MEIOB: variants seen among roughly 807,000 people sequenced by gnomAD.
MEIOB encodes the protein meiosis-specific with OB domain-containing protein.
A neutral mutation model predicts 53.1 loss-of-function variants in MEIOB; 50 were observed. The observed-to-expected ratio is 0.94, with a 90% CI of 0.75 to 1.19. MEIOB has a LOEUF of 1.19. Ranked by LOEUF, MEIOB falls within the 50% of genes most tolerant of loss-of-function variation. The pLI, the probability that MEIOB is intolerant of heterozygous loss-of-function variation, is 0.00. For missense variants in MEIOB, 551 were observed against 550.8 expected (o/e 1.00, Z 0.00); for synonymous variants, 192 against 182.5 (o/e 1.05, Z -0.42).
intron 5 of MEIOB, among the ~76,000 whole-genome samples, chr16:1,859,691 T>G (rs1239781045): frequency 1.3e-5 from 2 of 151,912 alleles, no homozygotes; most frequent in East Asian, 3.9e-4. Context: ...GAAAAGAAGG[T>G]GGGAACGGGT....
At chr16:1,849,554 A>AAAAAAAAAAAAC (rs1899110903) in intron 9 of MEIOB, among the ~76,000 whole-genome samples, 1 of 150,790 alleles carries the variant, frequency 6.6e-6, no homozygotes, top group Non-Finnish European at 1.5e-5. Flanking sequence ...TCAAAAAAAA[A>AAAAAAAAAAAAC]AAACACCTAG....
chr16:1,870,497 T>C (rs1899717048), intron 1 of MEIOB, among the ~76,000 whole-genome samples: 2 of 152,204 alleles, frequency 1.3e-5, no homozygotes, highest in South Asian at 4.1e-4. Context: ...AAATATGATT[T>C]TGAATTGCAA....
intron 10 of MEIOB, among the ~76,000 whole-genome samples, chr16:1,843,842 A>G (rs563358025): frequency 6.6e-6 from 1 of 152,166 alleles, no homozygotes. Flanking sequence ...ATTTTTCTTT[A>G]TCTTAGAAGA....
intron 9 of MEIOB, among the ~76,000 whole-genome samples, chr16:1,845,928 T>A (rs971349919): frequency 6.6e-6 from 1 of 152,024 alleles, no homozygotes; most frequent in Non-Finnish European, 1.5e-5. Flanking sequence ...ACTTCCTAAC[T>A]CCCCTGGGAA....
intron 3 of MEIOB, among the ~76,000 whole-genome samples, chr16:1,865,099 C>T (rs1899550289): frequency 1.3e-5 from 2 of 151,972 alleles, no homozygotes; most frequent in Non-Finnish European, 2.9e-5. Flanking sequence ...GCCTGGGCAA[C>T]AGAGCAAGAC....
intron 13 of MEIOB, among the ~76,000 whole-genome samples, chr16:1,835,601 G>T (rs1898723419): frequency 1.3e-5 from 2 of 152,190 alleles, no homozygotes; most frequent in South Asian, 4.1e-4. Context: ...GTGGTAGTCT[G>T]ACATTGGCTA....
chr16:1,839,208 A>G (rs892872291), intron 12 of MEIOB, 47 bp downstream of exon 12: 1 of 1,493,800 alleles, frequency 6.7e-7, no homozygotes, highest in Non-Finnish European at 8.9e-7. Context: ...GGGAAAAAGC[A>G]TTCACTTTGG....
intron 1 of MEIOB, among the ~76,000 whole-genome samples, chr16:1,871,509 G>A (rs1467206573): frequency 7.8e-6 from 1 of 127,496 alleles, no homozygotes; most frequent in African/African-American, 3.0e-5. Flanking sequence ...TTGAGCCACC[G>A]CGCCCGGCCC....
intron 3 of MEIOB, among the ~76,000 whole-genome samples, chr16:1,864,366 A>G (rs1899530167): frequency 6.6e-6 from 1 of 152,176 alleles, no homozygotes; most frequent in African/African-American, 2.4e-5. Context: ...GTCAGTAAGC[A>G]TACTTCTTCC....
Position 1,839,585 on chromosome 16 carries a change from C to T in MEIOB, c.1035-147G>A, listed in dbSNP as rs907344900. 1.0e-4 allele frequency: 68 copies of T among 664,968 alleles called. No individual in the cohort carries two copies. The Middle Eastern group carries it at 2.6e-3, about 25-fold the overall frequency. 41.2% of individuals were successfully genotyped at this position (664,968 alleles called of 1,614,324 possible). ...AGTGCTATGCGGTCTACAAGACAGT[C>T]GTAAAAAACAGTAAAACACACTTTC... On this transcript the variant is annotated intron_variant, in intron 11 of 13. Coordinates refer to ENST00000325962, the MANE Select transcript of MEIOB (RefSeq NM_001163560.3).
intron 1 of MEIOB, among the ~76,000 whole-genome samples, chr16:1,869,932 C>G (rs921114730): frequency 7.0e-6 from 1 of 143,392 alleles, no homozygotes; most frequent in African/African-American, 2.6e-5. Context: ...AGTGCAGTGG[C>G]ACGATCTCAG....
intron 9 of MEIOB, among the ~76,000 whole-genome samples, chr16:1,848,005 T>G (rs566558338): frequency 1.2e-4 from 18 of 152,130 alleles, no homozygotes; most frequent in Non-Finnish European, 2.4e-4. Context: ...TGCAGTGCAG[T>G]GGCATGAACA....
chr16:1,834,655 T>C (rs62038399), intron 13 of MEIOB, among the ~76,000 whole-genome samples: 2 of 152,178 alleles, frequency 1.3e-5, no homozygotes, highest in African/African-American at 2.4e-5. Flanking sequence ...GGCCGGGTGC[T>C]GGTGCAGTGG....
intron 11 of MEIOB, chr16:1,839,694 G>C: frequency 7.4e-6 from 3 of 403,466 alleles, no homozygotes; most frequent in Non-Finnish European, 1.3e-5. Context: ...CCAAGCCCTC[G>C]AGGTCCATCC....
In MEIOB at chr16:1,858,396, C is replaced by G. The variant is rs74646520; in HGVS notation, c.333-466G>C. ...GGCACAGTGAGCCCGAACTGAGGAG[C>G]TCTCCCTCCTGCACCGAGTCCCTCC... On this transcript the variant is annotated intron_variant, in intron 5 of 13. Transcript: ENST00000325962. Among the ~76,000 whole-genome samples the G allele has an allele frequency of 4.5e-3, 680 of 152,208 alleles. 5 individuals carry two copies. The highest frequency in any genetic ancestry group is 0.015 in the African/African-American group (617 of 41,538).
intron 9 of MEIOB, among the ~76,000 whole-genome samples, chr16:1,846,161 G>A (rs1022305700): frequency 2.6e-5 from 4 of 152,162 alleles, no homozygotes; most frequent in Non-Finnish European, 5.9e-5. Flanking sequence ...GGTCATGGGC[G>A]AATGAATGAA....
chr16:1,860,663 T>C (rs1045437056), intron 4 of MEIOB, among the ~76,000 whole-genome samples, 188 bp from the exon 5 acceptor site: 4 of 152,222 alleles, frequency 2.6e-5, no homozygotes, highest in Admixed American at 2.0e-4. Flanking sequence ...AATTGAAATC[T>C]TTATCTCCAT....
At chr16:1,863,929 G>T in intron 3 of MEIOB, among the ~76,000 whole-genome samples, 1 of 152,180 alleles carries the variant, frequency 6.6e-6, no homozygotes, top group East Asian at 1.9e-4. Context: ...GGAGGCCAAG[G>T]GGGTAAGATT....
At chr16:1,868,207 T>A in intron 1 of MEIOB, 23 bp from the exon 2 acceptor site, 1 of 1,234,972 alleles carries the variant, frequency 8.1e-7, no homozygotes, top group Non-Finnish European at 1.1e-6. Context: ...AAATATAATT[T>A]AGATATATAA....
Sources: gnomAD v4.1 joint callset for allele counts (sites outside exome capture counted in the v4.1 genomes callset) on GRCh38, gnomAD v4.1.1 for gene constraint, MANE v1.5 for transcripts, NCBI Gene and HGNC (gene_info 2026-07-23, HGNC 2026-07-21) for gene names.